Variants in AGMO observed in about 807,000 individuals in gnomAD.
AGMO encodes the protein alkylglycerol monooxygenase, also known as glyceryl-ether monooxygenase.
In AGMO, 75 loss-of-function variants were observed where a neutral mutation model predicts 60.2. The ratio of observed to expected loss-of-function variants is 1.25; its 90% CI spans 1.03 to 1.51. The LOEUF is 1.51. AGMO is among the 40% of genes most tolerant of loss of function. The pLI, the probability that AGMO is intolerant of heterozygous loss-of-function variation, is 0.00. For synonymous variants in AGMO, 261 were observed against 177.1 expected, an observed-to-expected ratio of 1.47 and a Z score of -3.76; for missense variants, 763 against 525.5, an observed-to-expected ratio of 1.45 and a Z score of -4.42.
chr7:15,400,166 AC>A (rs1473594457), intron 5 of AGMO, among the ~76,000 whole-genome samples: 1 of 152,126 alleles, frequency 6.6e-6, no homozygotes, highest in East Asian at 1.9e-4. Context: ...CATTGCTTAC[AC>A]ATCGTGATTG....
chr7:15,352,679 A>G (rs1375728744), intron 12 of AGMO, among the ~76,000 whole-genome samples: 5 of 151,782 alleles, frequency 3.3e-5, no homozygotes, highest in Non-Finnish European at 5.9e-5. Flanking sequence ...CAAGCCCATA[A>G]TGAGTCCCTG....
chr7:15,288,703 A>G (rs2128521218), intron 12 of AGMO, among the ~76,000 whole-genome samples: 1 of 151,892 alleles, frequency 6.6e-6, no homozygotes, highest in East Asian at 1.9e-4. Flanking sequence ...CCACTTGTAC[A>G]TGCCTTCAAA....
At chr7:15,378,205 TA>T (rs1273624207) in intron 10 of AGMO, among the ~76,000 whole-genome samples, 1 of 152,040 alleles carries the variant, frequency 6.6e-6, no homozygotes, top group Admixed American at 6.6e-5. Context: ...CTTTTTATTT[TA>T]AAAAATTATA....
chr7:15,253,947 G>T (rs894794062), intron 12 of AGMO, among the ~76,000 whole-genome samples: 1 of 151,708 alleles, frequency 6.6e-6, no homozygotes, highest in Non-Finnish European at 1.5e-5. Flanking sequence ...AGATTGTGTA[G>T]TATTTTTTTT....
At chr7:15,469,983 T>C (rs766192465) in intron 3 of AGMO, among the ~76,000 whole-genome samples, 8 of 152,060 alleles carry the variant, frequency 5.3e-5, no homozygotes, top group South Asian at 2.1e-4. Flanking sequence ...GGAATACTTA[T>C]AGGTAAAAGA....
chr7:15,306,669 T>C (rs1563078538), intron 12 of AGMO: 2 of 337,286 alleles, frequency 5.9e-6, no homozygotes, highest in Non-Finnish European at 1.2e-5. Context: ...ATGCTTCAAA[T>C]AGTTAGATTT....
intron 3 of AGMO, among the ~76,000 whole-genome samples, chr7:15,478,446 A>G (rs1782654944): frequency 6.6e-6 from 1 of 152,156 alleles, no homozygotes; most frequent in African/African-American, 2.4e-5. Flanking sequence ...ATCCTTTCCA[A>G]ACTCACTGTG....
chr7:15,356,738 T>C (rs1340594522), intron 12 of AGMO, among the ~76,000 whole-genome samples: 2 of 151,736 alleles, frequency 1.3e-5, no homozygotes, highest in East Asian at 3.9e-4. Flanking sequence ...AAATGCTATA[T>C]GAAAAAATGT....
At chr7:15,420,836 C>T (rs914106836) in intron 4 of AGMO, among the ~76,000 whole-genome samples, 2 of 152,140 alleles carry the variant, frequency 1.3e-5, no homozygotes, top group African/African-American at 4.8e-5. Flanking sequence ...CATTCAAACC[C>T]ATGTCATTCT....
In AGMO at chr7:15,528,678, A is replaced by G. The variant is rs147659346; in HGVS notation, c.409+16094T>C. ...TTTATTTATTTTGAGACGGAGTTTCACTCTTTTTTGCCCAGGCTGGAGTGC... is the reference window on the plus strand; with the variant it reads ...TTTATTTATTTTGAGACGGAGTTTCGCTCTTTTTTGCCCAGGCTGGAGTGC... On this transcript the variant is annotated intron_variant, in intron 3 of 12. Transcript: ENST00000342526. Among the ~76,000 whole-genome samples, 1,188 of 151,696 alleles carry G rather than the reference A, an allele frequency of 7.8e-3. 19 individuals carry two copies. The highest frequency in any genetic ancestry group is 0.027 in the African/African-American group (1,129 of 41,364).
the AGMO span, among the ~76,000 whole-genome samples, chr7:15,171,139 G>A: frequency 0.013 from 2,049 of 152,062 alleles, 38 homozygotes; most frequent in African/African-American, 0.046. Flanking sequence ...CCGCCACCAC[G>A]CCTGGCTAAT....
chr7:15,118,372 C>T, the AGMO span, among the ~76,000 whole-genome samples: 3 of 151,944 alleles, frequency 2.0e-5, no homozygotes, highest in African/African-American at 7.2e-5. Context: ...ATGCAATTAT[C>T]TGCTATTCCA....
At chr7:15,249,683 G>T (rs1429154532) in intron 12 of AGMO, among the ~76,000 whole-genome samples, 5 of 152,066 alleles carry the variant, frequency 3.3e-5, no homozygotes, top group African/African-American at 9.7e-5. Flanking sequence ...GAGTTACAAG[G>T]ATGTGATGGG....
At chr7:15,228,160 CACAGGAAATTAA>C (rs1180299361) in intron 12 of AGMO, among the ~76,000 whole-genome samples, 1 of 151,896 alleles carries the variant, frequency 6.6e-6, no homozygotes, top group Admixed American at 6.6e-5. Flanking sequence ...TATTTCTCTC[CACAGGAAATTAA>C]AGTCTACACT....
At chr7:15,365,102 T>C (rs1782919211) in intron 12 of AGMO, among the ~76,000 whole-genome samples, 1 of 152,012 alleles carries the variant, frequency 6.6e-6, no homozygotes. Flanking sequence ...GATTACTTTT[T>C]ACAGGTAATT....
intron 3 of AGMO, among the ~76,000 whole-genome samples, chr7:15,432,379 T>TATATATATATATATATACACAC (rs373845365): frequency 7.3e-6 from 1 of 136,198 alleles, no homozygotes; most frequent in African/African-American, 2.8e-5. Flanking sequence ...CATATATATA[T>TATATATATATATATATACACAC]ACACTATCTG....
chr7:15,356,296 A>T (rs1243524826), intron 12 of AGMO, among the ~76,000 whole-genome samples: 1 of 152,226 alleles, frequency 6.6e-6, no homozygotes, highest in Non-Finnish European at 1.5e-5. Context: ...ATAGAAACAA[A>T]CACTAGAGAA....
chr7:15,491,933 C>A (rs909907669), intron 3 of AGMO, among the ~76,000 whole-genome samples: 1 of 152,154 alleles, frequency 6.6e-6, no homozygotes, highest in African/African-American at 2.4e-5. Flanking sequence ...TGTCTTGCTT[C>A]CACACCCATT....
chr7:15,268,189 A>G (rs1783489531), intron 12 of AGMO, among the ~76,000 whole-genome samples: 1 of 152,006 alleles, frequency 6.6e-6, no homozygotes, highest in African/African-American at 2.4e-5. Flanking sequence ...CAAAATCAAT[A>G]TAGTCTTATG....
Sources: allele counts gnomAD v4.1 joint callset (sites outside exome capture counted in the v4.1 genomes callset), GRCh38; gene constraint gnomAD v4.1.1; transcripts MANE v1.5; gene names NCBI Gene and HGNC (gene_info 2026-07-23, HGNC 2026-07-21).